DSCAML1: variants seen among roughly 807,000 people sequenced by gnomAD.
The protein encoded by DSCAML1 is DS cell adhesion molecule like 1, also known as cell adhesion molecule DSCAML1.
Under a neutral mutation model 200.5 loss-of-function variants are expected in DSCAML1, and 38 were observed. The observed-to-expected ratio is 0.19, with a 90% CI of 0.15 to 0.25. The LOEUF is 0.25. Ranked by LOEUF, DSCAML1 falls within the 10% of genes least tolerant of loss-of-function variation. The probability of loss-of-function intolerance (pLI) is 1.00; values close to 1 mark genes in which losing one functional copy is unlikely to be tolerated. For synonymous variants in DSCAML1, 1,215 were observed against 1,165.0 expected, an observed-to-expected ratio of 1.04 and a Z score of -0.87; for missense variants, 2,223 against 2,858.8, an observed-to-expected ratio of 0.78 and a Z score of 5.07.
At chr11:117,609,366 T>A (rs1042928484) in intron 3 of DSCAML1, among the ~76,000 whole-genome samples, 2 of 151,296 alleles carry the variant, frequency 1.3e-5, no homozygotes, top group African/African-American at 4.9e-5. Flanking sequence ...GGAGTGCAGA[T>A]GTGCGATCAC....
intron 3 of DSCAML1, among the ~76,000 whole-genome samples, chr11:117,646,022 C>T (rs913304013): frequency 1.2e-4 from 19 of 152,122 alleles, no homozygotes; most frequent in South Asian, 2.1e-4. Context: ...GTATTAGCTG[C>T]GATATGGTTA....
chr11:117,517,017 C>T (rs975898992), intron 7 of DSCAML1, among the ~76,000 whole-genome samples: 1 of 152,128 alleles, frequency 6.6e-6, no homozygotes, highest in Non-Finnish European at 1.5e-5. Flanking sequence ...AAGAGCCATT[C>T]CCCTCGTGGG....
intron 3 of DSCAML1, among the ~76,000 whole-genome samples, chr11:117,626,650 T>C (rs2052053028): frequency 6.6e-6 from 1 of 152,174 alleles, no homozygotes; most frequent in Non-Finnish European, 1.5e-5. Flanking sequence ...ATTCTCGAGC[T>C]GTACCCAAAC....
In DSCAML1 at chr11:117,687,426, A is replaced by ATTTTTTTTTTTTTT. The variant is rs71037492; in HGVS notation, c.511+89351_511+89364dup. Reference sequence around the variant, plus strand: ...CAGGTGTGCTCCACCATGCCTGGCTATTTTTTTTTTTTTTTTTTTTTTAGA... The same window carrying ATTTTTTTTTTTTTT: ...CAGGTGTGCTCCACCATGCCTGGCTATTTTTTTTTTTTTTTTTTTTTTTTTTTTTTTTTTTTAGA... On this transcript the variant is annotated intron_variant, in intron 3 of 32. Coordinates refer to ENST00000651296, the MANE Select transcript of DSCAML1 (RefSeq NM_020693.4). 3.6e-4 allele frequency among the ~76,000 whole-genome samples: 35 copies of ATTTTTTTTTTTTTT among 97,648 alleles called. 1 individual carries two copies. Among genetic ancestry groups the ATTTTTTTTTTTTTT allele is most frequent in the East Asian group, 2.1e-3 (7 of 3,410 alleles). The allele number at this position is 97,648 out of a possible 152,430, so 64.1% of individuals were successfully genotyped here.
chr11:117,545,234 A>AAAC (rs1555183488), intron 3 of DSCAML1, among the ~76,000 whole-genome samples: 3 of 143,478 alleles, frequency 2.1e-5, no homozygotes, highest in East Asian at 2.0e-4. Flanking sequence ...CGTAAAAAAA[A>AAAC]ACACACACAC....
At chr11:117,509,286 A>C (rs1464987978) in intron 8 of DSCAML1, among the ~76,000 whole-genome samples, 1 of 152,154 alleles carries the variant, frequency 6.6e-6, no homozygotes, top group Non-Finnish European at 1.5e-5. Context: ...AAGGAGACGG[A>C]GGAGGCTGAG....
At chr11:117,598,917 C>T (rs2051412984) in intron 3 of DSCAML1, among the ~76,000 whole-genome samples, 2 of 152,062 alleles carry the variant, frequency 1.3e-5, no homozygotes, top group Admixed American at 6.6e-5. Context: ...GGGTTGATGC[C>T]TAAAGTTTTG....
At chr11:117,757,762 G>A (rs998375621) in intron 3 of DSCAML1, among the ~76,000 whole-genome samples, 15 of 151,872 alleles carry the variant, frequency 9.9e-5, no homozygotes, top group South Asian at 4.2e-4. Flanking sequence ...AGGCTGAGGC[G>A]GGCGGATCAC....
intron 3 of DSCAML1, among the ~76,000 whole-genome samples, chr11:117,695,928 T>C (rs1353335952): frequency 6.6e-6 from 1 of 152,164 alleles, no homozygotes; most frequent in Non-Finnish European, 1.5e-5. Flanking sequence ...AGTAAAGCAT[T>C]TAGAACATGT....
At chr11:117,561,465 ATC>A (rs2050661499) in intron 3 of DSCAML1, among the ~76,000 whole-genome samples, 1 of 152,120 alleles carries the variant, frequency 6.6e-6, no homozygotes. Context: ...TGGGGATGAA[ATC>A]TGCACATGCT....
At chr11:117,435,825 A>G (rs775013776) in intron 26 of DSCAML1, 26 bp from the exon 27 acceptor site, 2 of 1,588,778 alleles carry the variant, frequency 1.3e-6, no homozygotes, top group East Asian at 4.5e-5. Context: ...GAATAGAATT[A>G]GATGTCCCTT....
Position 117,505,173 on chromosome 11 carries a change from A to G in DSCAML1, c.2063-130T>C. On this transcript the variant is annotated intron_variant, in intron 9 of 32. Coordinates refer to ENST00000651296, the MANE Select transcript of DSCAML1 (RefSeq NM_020693.4). This position sits in a 1 kb window ranked among gnomAD's most constrained non-coding sequence, Gnocchi z 6.7. ...TAAAGTTGGAAGCGGGCAGTTTCTG[A>G]AACCCAAGATGCTGAGAACTTTTGT... 7.2e-7 allele frequency: 1 copy of G among 1,384,080 alleles called. No individual in the cohort carries two copies. Among genetic ancestry groups the G allele is most frequent in the South Asian group, 1.4e-5 (1 of 69,980 alleles). The allele number at this position is 1,384,080 out of a possible 1,614,324, so 85.7% of individuals were successfully genotyped here. A position where few individuals can be genotyped will look rare whatever the true frequency, so the allele number is the denominator to read the frequency against.
At chr11:117,663,030 C>G (rs2052892956) in intron 3 of DSCAML1, among the ~76,000 whole-genome samples, 1 of 66,832 alleles carries the variant, frequency 1.5e-5, no homozygotes. Context: ...ATCCACTTGC[C>G]CCCCGGAGAT....
intron 5 of DSCAML1, 107 bp from the exon 6 acceptor site, chr11:117,521,512 G>A: frequency 8.1e-7 from 1 of 1,240,880 alleles, no homozygotes; most frequent in Non-Finnish European, 1.1e-6. Flanking sequence ...GTCACAAAAG[G>A]CCCAGGTTCT....
At chr11:117,564,829 G>A (rs903635898) in intron 3 of DSCAML1, among the ~76,000 whole-genome samples, 1 of 150,908 alleles carries the variant, frequency 6.6e-6, no homozygotes, top group Non-Finnish European at 1.5e-5. Context: ...GCAGTGGTGC[G>A]ATCTCGGCTC....
At chr11:117,438,864 C>G in intron 24 of DSCAML1, 21 bp downstream of exon 24, 2 of 1,534,998 alleles carry the variant, frequency 1.3e-6, no homozygotes, top group Non-Finnish European at 1.7e-6. Flanking sequence ...TATCTTCCCC[C>G]GCATCCAGAC....
At chr11:117,575,846 CCAAAACAAAACAAAACAAAACAAAA>C (rs36226708) in intron 3 of DSCAML1, among the ~76,000 whole-genome samples, 1 of 150,314 alleles carries the variant, frequency 6.7e-6, no homozygotes, top group Non-Finnish European at 1.5e-5. Flanking sequence ...CAAAAACAAC[CCAAAACAAAACAAAACAAAACAAAA>C]CAAAACAAAA....
At position 117,505,932 on chromosome 11, in the gene DSCAML1, C is replaced by T. The variant is rs564441678; in HGVS notation, c.1784-200G>A. 6.6e-6 allele frequency among the ~76,000 whole-genome samples: 1 copy of T among 152,326 alleles called. No homozygotes were observed. Among genetic ancestry groups the T allele is most frequent in the Non-Finnish European group, 1.5e-5 (1 of 68,030 alleles). On this transcript the variant is annotated intron_variant, in intron 8 of 32. Transcript: ENST00000651296. This position sits in a 1 kb window ranked among gnomAD's most constrained non-coding sequence, Gnocchi z 6.7. ...GTCCCTCTGCCCGCCCAGGCTGGGA[C>T]CCACTGTCTCTGTTCAGGGCCTTGA... is the stretch of plus-strand genomic sequence containing the variant.
At chr11:117,462,514 C>T (rs2048500995) in intron 17 of DSCAML1, among the ~76,000 whole-genome samples, 1 of 152,216 alleles carries the variant, frequency 6.6e-6, no homozygotes, top group Admixed American at 6.5e-5. Flanking sequence ...AAAGGATGCA[C>T]AGGCTGGCTG....
Sources: allele counts gnomAD v4.1 joint callset (sites outside exome capture counted in the v4.1 genomes callset), GRCh38; gene constraint gnomAD v4.1.1; non-coding constraint Gnocchi (gnomAD v3.1); transcripts MANE v1.5; gene names NCBI Gene and HGNC (gene_info 2026-07-23, HGNC 2026-07-21).